The following CFAP65 variants were observed in gnomAD, a reference collection of about 807,000 sequenced individuals.
CFAP65 encodes the protein cilia and flagella associated protein 65.
A neutral mutation model predicts 208.0 loss-of-function variants in CFAP65; 155 were observed. The observed-to-expected ratio is 0.75, with a 90% CI of 0.65 to 0.85. The LOEUF (loss-of-function observed/expected upper bound fraction) is 0.85. CFAP65 is among the 40% of genes least tolerant of loss of function. The probability of loss-of-function intolerance (pLI) is 0.00; values close to 1 mark genes in which losing one functional copy is unlikely to be tolerated. For synonymous variants in CFAP65, 970 were observed against 986.3 expected (o/e 0.98, Z 0.31); for missense variants, 2,294 against 2,451.3 (o/e 0.94, Z 1.36).
chr2:219,031,752 T>C lies in CFAP65; in HGVS notation c.646-94A>G. On this transcript the variant is annotated intron_variant, in intron 6 of 34. Coordinates refer to ENST00000341552, the MANE Select transcript of CFAP65 (RefSeq NM_194302.4). This position sits in a 1 kb window ranked among gnomAD's most constrained non-coding sequence, Gnocchi z 5.2. ...CCTCAGCCACCCCCAACACAACCGC[T>C]GAGGGGAGGGCCAGGCCGTGGCACC... 2 of 1,463,700 alleles carry C rather than the reference T, an allele frequency of 1.4e-6. No homozygotes were observed. Among genetic ancestry groups the C allele is most frequent in the South Asian group, 2.7e-5 (2 of 74,312 alleles). 90.7% of individuals were successfully genotyped at this position (1,463,700 alleles called of 1,614,324 possible).
At position 219,038,556 on chromosome 2, in the gene CFAP65, AAGGGAGCACTCTG is replaced by A; in HGVS notation, c.163_175del (p.Gln55LeufsTer8). 3 of 1,614,014 alleles carry A rather than the reference AAGGGAGCACTCTG, an allele frequency of 1.9e-6. No homozygotes were observed. The South Asian group carries it at 3.3e-5, about 18-fold the overall frequency. On this transcript the variant is annotated frameshift_variant, in exon 4 of 35. Transcript: ENST00000341552. LOFTEE classifies it high-confidence loss of function. ...CATCATGTCCTTGGGACACAGTCCA[AAGGGAGCACTCTG>A]AGTATGGAGCTGGGAAGAGAGCAGA... is the stretch of plus-strand genomic sequence containing the variant.
chr2:219,010,485 C>T (rs1013015656), intron 26 of CFAP65, 61 bp downstream of exon 26: 12 of 1,547,642 alleles, frequency 7.8e-6, no homozygotes, highest in Non-Finnish European at 9.6e-6. Context: ...TCTGTCTGGC[C>T]ACCCTGGGCT....
rs1384723742 is a variant in CFAP65 at position 219,004,914 on chromosome 2, T to C, written c.5052-459A>G. ...CTCTCTCTCTATTTCTCTCTTTCTTTCTCTCTCTTTCTCTCCTCTTTTTTC... is the reference window on the plus strand; with the variant it reads ...CTCTCTCTCTATTTCTCTCTTTCTTCCTCTCTCTTTCTCTCCTCTTTTTTC... On this transcript the variant is annotated intron_variant, in intron 32 of 34. Coordinates refer to ENST00000341552, the MANE Select transcript of CFAP65 (RefSeq NM_194302.4). This position sits in a 1 kb window ranked among gnomAD's most constrained non-coding sequence, Gnocchi z 4.7. Among the ~76,000 whole-genome samples, 2 of 151,100 alleles carry C rather than the reference T, an allele frequency of 1.3e-5. No individual in the cohort carries two copies. Among genetic ancestry groups the C allele is most frequent in the Non-Finnish European group, 2.9e-5 (2 of 68,000 alleles).
In CFAP65 at chr2:219,021,255, C is replaced by G. The variant is rs761501435; in HGVS notation, c.3156G>C (p.Gly1052=). The part of the protein sequence containing the change: ...PLALQLDRTE[G]SMPPRSQDTI... ...TGTCCTGGGACCGGGGTGGCATGCT[C>G]CCCTCTGTTCGGTCCAGCTGCAGAG... The change falls in exon 19 of 35, where the codon GGG becomes GGC. Residue 1052 remains glycine, a synonymous_variant. Transcript: ENST00000341552. The G allele has an allele frequency of 1.2e-6, 2 of 1,602,972 alleles. No individual in the cohort carries two copies. Among genetic ancestry groups the G allele is most frequent in the South Asian group, 2.3e-5 (2 of 88,670 alleles).
intron 29 of CFAP65, 68 bp downstream of exon 29, chr2:219,008,979 C>G (rs952113679): frequency 7.2e-6 from 10 of 1,384,020 alleles, no homozygotes; most frequent in Non-Finnish European, 8.2e-6. Context: ...TGGCCCACTA[C>G]CTCTGTCCCC....
At chr2:219,026,276 G>T in intron 13 of CFAP65, 117 bp from the exon 14 acceptor site, 1 of 1,111,322 alleles carries the variant, frequency 9.0e-7, no homozygotes, top group Non-Finnish European at 1.3e-6. Context: ...ACACAGACAG[G>T]AGGGCCTCCC....
In CFAP65 at chr2:219,029,603, C is replaced by T. The variant is rs763439859; in HGVS notation, c.1450G>A (p.Glu484Lys). Reference sequence around the variant, plus strand: ...TGGTTCTCAATCCACAGGGGCTGCTCGGAGCGCTCCCCAAGGTTGACCCAG... The same window carrying T: ...TGGTTCTCAATCCACAGGGGCTGCTTGGAGCGCTCCCCAAGGTTGACCCAG... ...FSWVNLGERS[E>K]QPLWIENQSD... The change falls in exon 11 of 35, where the codon GAG becomes AAG. Residue 484 changes from glutamate (E) to lysine (K), a missense_variant. Glu to Lys is a moderately conservative substitution (Grantham distance 56). Transcript: ENST00000341552. 3.5e-5 allele frequency: 56 copies of T among 1,613,938 alleles called. No homozygotes were observed. Among genetic ancestry groups the T allele is most frequent in the Non-Finnish European group, 4.2e-5 (50 of 1,180,012 alleles).
chr2:219,032,274 G>A lies in CFAP65; in HGVS notation c.645+196C>T, dbSNP rs1948101709. On this transcript the variant is annotated intron_variant, in intron 6 of 34. Transcript: ENST00000341552. This position sits in a 1 kb window ranked among gnomAD's most constrained non-coding sequence, Gnocchi z 5.5. ...TATAATATCGCAGCCTTTACCCCCA[G>A]CATCTCCTGGGGAACGCCCTCTGTC... 6.6e-6 allele frequency among the ~76,000 whole-genome samples: 1 copy of A among 152,160 alleles called. No homozygotes were observed.
chr2:219,029,813 G>T, intron 10 of CFAP65, 145 bp from the exon 11 acceptor site: 1 of 1,164,154 alleles, frequency 8.6e-7, no homozygotes, highest in Non-Finnish European at 1.2e-6. Flanking sequence ...GATGCCAGTG[G>T]GACTGGGATC....
intron 16 of CFAP65, 37 bp from the exon 17 acceptor site, chr2:219,022,366 G>A: frequency 6.4e-7 from 1 of 1,567,284 alleles, no homozygotes. Flanking sequence ...GTGGCCTTCG[G>A]AAGCCCCTCC....
rs945832949 is a variant in CFAP65 at position 219,013,257 on chromosome 2, A to T, written c.3957+2T>A. 31 of 1,604,540 alleles carry T rather than the reference A, an allele frequency of 1.9e-5. No homozygotes were observed. The highest frequency in any genetic ancestry group is 4.0e-5 in the African/African-American group (3 of 74,774). The stretch of plus-strand genomic sequence containing the variant: ...GTCAACAGGACAATGTGGACCACTG[A>T]CCTGCCGTGGGGGTAGCGTGTCACC... On this transcript the variant is annotated splice_donor_variant, in intron 24 of 34. Coordinates refer to ENST00000341552, the MANE Select transcript of CFAP65 (RefSeq NM_194302.4). LOFTEE classifies it high-confidence loss of function.
Position 219,005,508 on chromosome 2 carries a change from T to C in CFAP65, c.4977A>G (p.Lys1659=), listed in dbSNP as rs750606258. ...AAACAGGGCCCCACTTGTTAGGGGA[T>C]TTTTCCTCAGAAGTCTCTGACTCTT... The part of the protein sequence containing the change: ...PREESETSEE[K]SPNKWGPVSK... The change falls in exon 32 of 35, where the codon AAA becomes AAG. Residue 1659 remains lysine, a synonymous_variant. Transcript: ENST00000341552. 1.2e-6 allele frequency: 2 copies of C among 1,613,214 alleles called. No individual in the cohort carries two copies. Among genetic ancestry groups the C allele is most frequent in the Non-Finnish European group, 1.7e-6 (2 of 1,179,904 alleles).
At chr2:219,033,222 A>G (rs1948158777) in intron 5 of CFAP65, among the ~76,000 whole-genome samples, 1 of 152,218 alleles carries the variant, frequency 6.6e-6, no homozygotes, top group South Asian at 2.1e-4. Context: ...CTGGAATCCC[A>G]GCACTTTGAG....
At position 219,024,405 on chromosome 2, in the gene CFAP65, G is replaced by C. The variant is rs951294903; in HGVS notation, c.2350-145C>G. On this transcript the variant is annotated intron_variant, in intron 14 of 34. Transcript: ENST00000341552. ...GCAGCCCAGTCAACGCCCTGGGAAC[G>C]GGGAATTGAAGGAGGCCACGAGCTG... The C allele has an allele frequency of 1.2e-5, 11 of 906,210 alleles. No homozygotes were observed. In the East Asian group the frequency reaches 4.1e-4, roughly 34 times the overall value. The allele number at this position is 906,210 out of a possible 1,614,324, so 56.1% of individuals were successfully genotyped here. A position where few individuals can be genotyped will look rare whatever the true frequency, so the allele number is the denominator to read the frequency against.
At chr2:219,037,482 G>A (rs1205739868) in intron 4 of CFAP65, among the ~76,000 whole-genome samples, 1 of 152,196 alleles carries the variant, frequency 6.6e-6, no homozygotes, top group African/African-American at 2.4e-5. Flanking sequence ...TTGGCAACAA[G>A]AAGCTGCCAC....
chr2:219,018,911 C>T (rs2106157073), intron 21 of CFAP65, 140 bp downstream of exon 21: 1 of 1,200,302 alleles, frequency 8.3e-7, no homozygotes, highest in East Asian at 2.4e-5. Flanking sequence ...CCCTGGCCTC[C>T]ACAGCCGTCA....
At chr2:219,009,916 G>T (rs1348108247) in intron 27 of CFAP65, 26 bp downstream of exon 27, 2 of 1,589,258 alleles carry the variant, frequency 1.3e-6, no homozygotes, top group Middle Eastern at 1.8e-4. Flanking sequence ...CTCTGATGGA[G>T]GTTCCAGGGC....
intron 10 of CFAP65, 71 bp downstream of exon 10, chr2:219,029,915 G>A (rs1947901836): frequency 1.4e-6 from 2 of 1,461,884 alleles, no homozygotes; most frequent in South Asian, 1.2e-5. Context: ...TAGGAGCAGG[G>A]AAGGAGCTCT....
chr2:219,022,845 T>C (rs62193334), intron 16 of CFAP65, among the ~76,000 whole-genome samples: 2,166 of 152,338 alleles, frequency 0.014, 26 homozygotes, highest in Middle Eastern at 0.054. Context: ...CACTGGTGGC[T>C]GGCCATTTGG....
Sources: allele counts gnomAD v4.1 joint callset (sites outside exome capture counted in the v4.1 genomes callset), GRCh38; gene constraint gnomAD v4.1.1; non-coding constraint Gnocchi (gnomAD v3.1); transcripts MANE v1.5; gene names NCBI Gene and HGNC (gene_info 2026-07-23, HGNC 2026-07-21).